The following ADCY10 variants were observed in gnomAD, a reference collection of about 807,000 sequenced individuals.
The protein encoded by ADCY10 is adenylate cyclase type 10.
A neutral mutation model predicts 183.3 loss-of-function variants in ADCY10; 156 were observed. The ratio of observed to expected loss-of-function variants is 0.85; its 90% CI spans 0.75 to 0.97. The LOEUF (loss-of-function observed/expected upper bound fraction) is 0.97, where lower values mean the gene tolerates loss of function less well. Among genes scored for constraint, ADCY10 ranks in the 50% least tolerant of loss-of-function variants. The probability of loss-of-function intolerance (pLI) is 0.00; values close to 1 mark genes in which losing one functional copy is unlikely to be tolerated. For synonymous variants in ADCY10, 645 were observed against 670.0 expected (o/e 0.96, Z 0.58); for missense variants, 1,745 against 1,934.3 (o/e 0.90, Z 1.84).
intron 8 of ADCY10, among the ~76,000 whole-genome samples, chr1:167,885,276 T>G (rs1032522492): frequency 7.2e-5 from 11 of 152,196 alleles, no homozygotes; most frequent in Non-Finnish European, 1.6e-4. Flanking sequence ...CTTCAATATA[T>G]TGATTTCTTT....
In ADCY10 at chr1:167,854,217, A is replaced by G. The variant is rs12760577; in HGVS notation, c.2308+136T>C. On this transcript the variant is annotated intron_variant, in intron 18 of 32. Coordinates refer to ENST00000367851, the MANE Select transcript of ADCY10 (RefSeq NM_018417.6). ...CTTACAATCTGGAATATCGGATCCA[A>G]TAATTCCTGGCTCCCCAGAACCTTC... The G allele has an allele frequency of 0.067, 72,090 of 1,079,724 alleles. 2,700 individuals are homozygous for G. The highest frequency in any genetic ancestry group is 0.14 in the Middle Eastern group (628 of 4,550). The allele number at this position is 1,079,724 out of a possible 1,614,324, so 66.9% of individuals were successfully genotyped here. A position where few individuals can be genotyped will look rare whatever the true frequency, so the allele number is the denominator to read the frequency against.
chr1:167,837,252 C>A lies in ADCY10; in HGVS notation c.3074G>T (p.Arg1025Leu). 1.2e-6 allele frequency: 2 copies of A among 1,612,488 alleles called. No homozygotes were observed. Among genetic ancestry groups the A allele is most frequent in the South Asian group, 1.1e-5 (1 of 91,050 alleles). Reference sequence around the variant, plus strand: ...AAACAATGATATATGCCTCTACCTGCGATTTTCAGGAAAAAATGCAGATGT... The same window carrying A: ...AAACAATGATATATGCCTCTACCTGAGATTTTCAGGAAAAAATGCAGATGT... ...PETSAFFPEN[R>L]SPEEIREKIL... Residue 1025 changes from arginine (R) to leucine (L), a missense_variant, in exon 22 of 33, where the codon CGC becomes CTC. Physicochemically the swap from Arg to Leu is moderately radical, Grantham distance 102 (BLOSUM62 -2). Coordinates refer to ENST00000367851, the MANE Select transcript of ADCY10 (RefSeq NM_018417.6).
At chr1:167,908,533 A>G (rs1669958064) in intron 1 of ADCY10, among the ~76,000 whole-genome samples, 1 of 152,216 alleles carries the variant, frequency 6.6e-6, no homozygotes, top group African/African-American at 2.4e-5. Context: ...CAAAATGGCT[A>G]AGAGAGTAGA....
chr1:167,878,971 C>T (rs1000278844), intron 11 of ADCY10, among the ~76,000 whole-genome samples: 6 of 152,232 alleles, frequency 3.9e-5, no homozygotes, highest in Admixed American at 2.6e-4. Flanking sequence ...TGGTCTTCTG[C>T]CACAAGGTGG....
At chr1:167,907,927 G>A (rs1040914980) in intron 1 of ADCY10, among the ~76,000 whole-genome samples, 1 of 152,202 alleles carries the variant, frequency 6.6e-6, no homozygotes, top group African/African-American at 2.4e-5. Flanking sequence ...CAACTCAGAG[G>A]TAAGCCTCCA....
intron 18 of ADCY10, 82 bp from the exon 19 acceptor site, chr1:167,848,571 A>G: frequency 1.3e-6 from 2 of 1,484,246 alleles, no homozygotes; most frequent in Non-Finnish European, 1.9e-6. Flanking sequence ...TTTGAGATGG[A>G]TCTCATATGA....
At chr1:167,846,329 T>C in intron 19 of ADCY10, 66 bp from the exon 20 acceptor site, 1 of 1,574,656 alleles carries the variant, frequency 6.4e-7, no homozygotes, top group Non-Finnish European at 8.7e-7. Context: ...CTGTATTTAA[T>C]ATAGAGCAGG....
At chr1:167,898,844 T>C (rs1669194241) in intron 6 of ADCY10, among the ~76,000 whole-genome samples, 1 of 152,124 alleles carries the variant, frequency 6.6e-6, no homozygotes, top group Non-Finnish European at 1.5e-5. Flanking sequence ...CAGCACACCT[T>C]TCTTCCACTT....
intron 28 of ADCY10, among the ~76,000 whole-genome samples, chr1:167,823,673 G>A (rs926070397): frequency 6.6e-6 from 1 of 152,258 alleles, no homozygotes. Flanking sequence ...TCCCTTCCTG[G>A]TCTAGTCTTG....
At chr1:167,862,732 AT>A (rs1173524812) in intron 14 of ADCY10, among the ~76,000 whole-genome samples, 1 of 152,248 alleles carries the variant, frequency 6.6e-6, no homozygotes, top group Non-Finnish European at 1.5e-5. Flanking sequence ...TGATAAAGAT[AT>A]TTTAAAACTG....
At chr1:167,909,964 A>AC (rs34431784) in intron 1 of ADCY10, among the ~76,000 whole-genome samples, 69,733 of 151,890 alleles carry the variant, frequency 0.46, 18,334 homozygotes, top group African/African-American at 0.72. Context: ...TAAAAGATTA[A>AC]CCCCCATTCT....
At chr1:167,849,381 G>C (rs903012882) in intron 18 of ADCY10, among the ~76,000 whole-genome samples, 5 of 152,222 alleles carry the variant, frequency 3.3e-5, no homozygotes, top group Admixed American at 3.3e-4. Flanking sequence ...GTAGTCCTTG[G>C]TAGCGGCAAG....
intron 19 of ADCY10, among the ~76,000 whole-genome samples, chr1:167,846,800 T>A (rs181588983): frequency 2.0e-5 from 3 of 150,996 alleles, no homozygotes; most frequent in Non-Finnish European, 4.4e-5. Context: ...CAACTTTTCA[T>A]CTAAGCTTGA....
At position 167,846,112 on chromosome 1, in the gene ADCY10, G is replaced by T. The variant is rs1665006447; in HGVS notation, c.2589C>A (p.Thr863=). The T allele has an allele frequency of 3.1e-6, 5 of 1,614,120 alleles. No individual in the cohort carries two copies. The highest frequency in any genetic ancestry group is 4.2e-6 in the Non-Finnish European group (5 of 1,180,014). The change falls in exon 20 of 33, where the codon ACC becomes ACA. Residue 863 remains threonine (T), a synonymous_variant. Transcript: ENST00000367851. ...AATAAAAAATGTTAGATTCCACTAG[G>T]GTTGCCAGGGTCTTGATCATCATCT... is the stretch of plus-strand genomic sequence containing the variant. ...NMKMMIKTLA[T]LVESNIFYCF...
intron 30 of ADCY10, chr1:167,821,176 A>G (rs1282017759): frequency 6.6e-6 from 1 of 152,268 alleles, no homozygotes; most frequent in Non-Finnish European, 1.5e-5. Context: ...CTTAGCATTC[A>G]TCTCCTTCCT....
chr1:167,816,399 A>T lies in ADCY10; in HGVS notation c.4482+1673T>A, dbSNP rs113925243. On this transcript the variant is annotated intron_variant, in intron 31 of 32. Coordinates refer to ENST00000367851, the MANE Select transcript of ADCY10 (RefSeq NM_018417.6). ...TGTCTTTACTAAAAATACAAAAATT[A>T]GTCAGGCATGTTGGCGGGCACCTGT... 7.4e-3 allele frequency among the ~76,000 whole-genome samples: 1,132 copies of T among 152,166 alleles called. 12 individuals carry two copies. Among genetic ancestry groups the T allele is most frequent in the Non-Finnish European group, 0.01 (682 of 67,992 alleles).
chr1:167,854,245 ACT>A (rs1665717087), intron 18 of ADCY10, 106 bp downstream of exon 18: 5 of 1,361,972 alleles, frequency 3.7e-6, no homozygotes, highest in Non-Finnish European at 5.3e-6. Flanking sequence ...GAACCTTCTG[ACT>A]CTACAGGAAG....
At chr1:167,882,752 C>G (rs1273302662) in intron 9 of ADCY10, among the ~76,000 whole-genome samples, 1 of 152,034 alleles carries the variant, frequency 6.6e-6, no homozygotes. Context: ...TGAGCTCAGA[C>G]GGGGATGGCA....
At chr1:167,889,163 G>A (rs943164792) in intron 8 of ADCY10, among the ~76,000 whole-genome samples, 1 of 152,160 alleles carries the variant, frequency 6.6e-6, no homozygotes, top group South Asian at 2.1e-4. Context: ...GATCTTAGAG[G>A]AAGGGCTTTT....
Sources: allele counts gnomAD v4.1 joint callset (sites outside exome capture counted in the v4.1 genomes callset), GRCh38; gene constraint gnomAD v4.1.1; transcripts MANE v1.5; gene names NCBI Gene and HGNC (gene_info 2026-07-23, HGNC 2026-07-21).